KIF21A: variants seen among roughly 807,000 people sequenced by gnomAD.
The protein encoded by KIF21A is kinesin-like protein KIF21A.
In KIF21A, 114 loss-of-function variants were observed where a neutral mutation model predicts 202.9. The observed-to-expected ratio is 0.56, with a 90% CI of 0.48 to 0.66. The LOEUF (loss-of-function observed/expected upper bound fraction) is 0.66, where lower values mean the gene tolerates loss of function less well. KIF21A is among the 30% of genes least tolerant of loss of function. The probability of loss-of-function intolerance (pLI) is 0.00; values close to 1 mark genes in which losing one functional copy is unlikely to be tolerated. For synonymous variants in KIF21A, 667 were observed against 670.8 expected (o/e 0.99, Z 0.09); for missense variants, 1,677 against 1,994.9 (o/e 0.84, Z 3.04).
chr12:39,425,017 A>G (rs1363437820), intron 1 of KIF21A, among the ~76,000 whole-genome samples: 1 of 151,938 alleles, frequency 6.6e-6, no homozygotes, highest in Non-Finnish European at 1.5e-5. Context: ...TCTATTTTCT[A>G]TATCTGGCTA....
intron 5 of KIF21A, 146 bp downstream of exon 5, chr12:39,366,884 C>A: frequency 1.2e-6 from 1 of 835,134 alleles, no homozygotes; most frequent in South Asian, 1.6e-5. Flanking sequence ...GGCTGACCAG[C>A]TTCAACTTAA....
intron 32 of KIF21A, among the ~76,000 whole-genome samples, chr12:39,310,386 G>A (rs1346096994): frequency 6.6e-6 from 1 of 151,780 alleles, no homozygotes; most frequent in Non-Finnish European, 1.5e-5. Flanking sequence ...CAATTCATAA[G>A]TTCTAGCTGG....
chr12:39,362,697 C>G (rs991230378), intron 7 of KIF21A, among the ~76,000 whole-genome samples: 17 of 152,042 alleles, frequency 1.1e-4, no homozygotes, highest in African/African-American at 4.1e-4. Flanking sequence ...ATTTAAATTA[C>G]TTTGTAATTA....
chr12:39,407,149 T>G (rs1475126481), intron 1 of KIF21A, among the ~76,000 whole-genome samples: 1 of 152,212 alleles, frequency 6.6e-6, no homozygotes, highest in Non-Finnish European at 1.5e-5. Context: ...CCCTTCCCAG[T>G]AGATCATTCT....
chr12:39,314,234 T>G (rs1944300238), intron 31 of KIF21A, among the ~76,000 whole-genome samples: 1 of 151,822 alleles, frequency 6.6e-6, no homozygotes, highest in South Asian at 2.1e-4. Flanking sequence ...TCTGGATATA[T>G]AATTATGAAA....
chr12:39,413,412 G>A (rs1048767659), intron 1 of KIF21A, among the ~76,000 whole-genome samples: 4 of 152,084 alleles, frequency 2.6e-5, no homozygotes, highest in South Asian at 4.2e-4. Context: ...AATCCTTTGC[G>A]TTCCTTGACC....
chr12:39,383,736 C>T (rs190285529), intron 1 of KIF21A, among the ~76,000 whole-genome samples: 251 of 152,216 alleles, frequency 1.6e-3, no homozygotes, highest in African/African-American at 5.9e-3. Flanking sequence ...GAGTTCAAGG[C>T]TGCAGTGAGC....
intron 1 of KIF21A, among the ~76,000 whole-genome samples, chr12:39,441,014 C>CA (rs201462096): frequency 2.6e-3 from 387 of 146,390 alleles, no homozygotes; most frequent in African/African-American, 9.0e-3. Context: ...AACCCTATCT[C>CA]AAAAAAAAGA....
At chr12:39,340,392 G>A in intron 15 of KIF21A, 28 bp from the exon 16 acceptor site, 1 of 1,524,584 alleles carries the variant, frequency 6.6e-7, no homozygotes, top group South Asian at 1.2e-5. Flanking sequence ...ATTTTTATAT[G>A]TTTTTTTGTG....
At chr12:39,353,927 G>C (rs564389105) in intron 10 of KIF21A, among the ~76,000 whole-genome samples, 2 of 152,092 alleles carry the variant, frequency 1.3e-5, no homozygotes, top group South Asian at 4.2e-4. Flanking sequence ...TCATTTAATA[G>C]AGACTAAAGA....
Position 39,369,922 on chromosome 12 carries a change from G to C in KIF21A, c.268-11C>G. The C allele has an allele frequency of 6.2e-7, 1 of 1,611,314 alleles. No homozygotes were observed. Among genetic ancestry groups the C allele is most frequent in the Non-Finnish European group, 8.5e-7 (1 of 1,177,852 alleles). Reference sequence around the variant, plus strand: ...TTTACCAGCTCCAGTCTAAACAAAAGAACAGAGAAAGATTAGTGTTCAACC... The same window carrying C: ...TTTACCAGCTCCAGTCTAAACAAAACAACAGAGAAAGATTAGTGTTCAACC... On this transcript the variant is annotated splice_polypyrimidine_tract_variant and intron_variant, in intron 2 of 37. Coordinates refer to ENST00000361418, the MANE Select transcript of KIF21A (RefSeq NM_001173464.2).
chr12:39,315,835 G>T, intron 30 of KIF21A, 97 bp downstream of exon 30: 1 of 821,474 alleles, frequency 1.2e-6, no homozygotes, highest in Non-Finnish European at 2.2e-6. Flanking sequence ...AACAAGTGAT[G>T]CATGCAACAA....
chr12:39,396,237 T>A (rs141948596), intron 1 of KIF21A, among the ~76,000 whole-genome samples: 6 of 152,326 alleles, frequency 3.9e-5, no homozygotes, highest in African/African-American at 7.2e-5. Flanking sequence ...TGTAAGAATG[T>A]ACTTTAAAAT....
intron 27 of KIF21A, among the ~76,000 whole-genome samples, chr12:39,320,726 T>G (rs566291564): frequency 1.3e-4 from 19 of 150,928 alleles, no homozygotes; most frequent in Non-Finnish European, 2.7e-4. Context: ...CTTGAGGTCA[T>G]GAGTTCAAAA....
At chr12:39,423,692 T>C (rs1039125598) in intron 1 of KIF21A, among the ~76,000 whole-genome samples, 59 of 151,632 alleles carry the variant, frequency 3.9e-4, no homozygotes, top group South Asian at 4.2e-4. Flanking sequence ...CTACTAAAAA[T>C]ACAAAATTAG....
At chr12:39,323,006 C>CAGAGATTTATATTAGTTTGAAATAGGT in intron 26 of KIF21A, 124 bp from the exon 27 acceptor site, 1 of 584,500 alleles carries the variant, frequency 1.7e-6, no homozygotes, top group Non-Finnish European at 2.7e-6. Flanking sequence ...CCTAGGTGTG[C>CAGAGATTTATATTAGTTTGAAATAGGT]CAAACATAGC....
At chr12:39,429,722 A>G (rs1955032631) in intron 1 of KIF21A, among the ~76,000 whole-genome samples, 1 of 152,232 alleles carries the variant, frequency 6.6e-6, no homozygotes, top group Non-Finnish European at 1.5e-5. Flanking sequence ...GGAACTCACC[A>G]AAGAAATTAA....
intron 1 of KIF21A, among the ~76,000 whole-genome samples, chr12:39,428,319 G>A (rs1277244343): frequency 6.6e-6 from 1 of 152,144 alleles, no homozygotes; most frequent in Non-Finnish European, 1.5e-5. Context: ...TTCTAAAAAG[G>A]TTTGTCTTAA....
At chr12:39,315,300 C>T in intron 30 of KIF21A, 60 bp from the exon 31 acceptor site, 1 of 1,485,440 alleles carries the variant, frequency 6.7e-7, no homozygotes, top group Non-Finnish European at 9.4e-7. Flanking sequence ...AGAGGGAGGA[C>T]ATAAAATGAT....
Sources: allele counts gnomAD v4.1 joint callset (sites outside exome capture counted in the v4.1 genomes callset), GRCh38; gene constraint gnomAD v4.1.1; transcripts MANE v1.5; gene names NCBI Gene and HGNC (gene_info 2026-07-23, HGNC 2026-07-21).